Variants in UACA observed in about 807,000 individuals in gnomAD.
UACA encodes the protein nuclear membrane binding protein.
In UACA, 112 loss-of-function variants were observed where a neutral mutation model predicts 160.5. That is an observed-to-expected ratio of 0.70 (90% CI 0.60 to 0.82). The LOEUF (loss-of-function observed/expected upper bound fraction) is 0.82. UACA is among the 40% of genes least tolerant of loss of function. The pLI is 0.00. For missense variants in UACA, 1,574 were observed against 1,614.6 expected (o/e 0.97, Z 0.43); for synonymous variants, 557 against 568.4 (o/e 0.98, Z 0.29).
intron 18 of UACA, among the ~76,000 whole-genome samples, 193 bp downstream of exon 18, chr15:70,659,958 G>A (rs1896643692): frequency 1.3e-5 from 2 of 152,224 alleles, no homozygotes; most frequent in South Asian, 4.1e-4. Context: ...TTAAGATGTT[G>A]TGTTGCCATA....
chr15:70,707,231 C>T (rs1290379734), intron 1 of UACA, among the ~76,000 whole-genome samples: 1 of 152,092 alleles, frequency 6.6e-6, no homozygotes, highest in Non-Finnish European at 1.5e-5. Flanking sequence ...TAGCCACATG[C>T]AAAAGAACAA....
intron 13 of UACA, among the ~76,000 whole-genome samples, chr15:70,672,319 T>C (rs1176537864): frequency 2.0e-5 from 3 of 152,234 alleles, no homozygotes; most frequent in African/African-American, 7.2e-5. Flanking sequence ...TACTGTTTGC[T>C]ACTGCTTTAC....
At chr15:70,767,106 G>A (rs1000053508), upstream of UACA, among the ~76,000 whole-genome samples, 1 of 151,722 alleles carries the variant, frequency 6.6e-6, no homozygotes, top group East Asian at 1.9e-4. Flanking sequence ...CAGGCGTGGT[G>A]GCAGGCACCT....
chr15:70,751,487 T>A (rs1004532996), intron 1 of UACA, among the ~76,000 whole-genome samples: 2 of 152,238 alleles, frequency 1.3e-5, no homozygotes, highest in African/African-American at 4.8e-5. Context: ...GTTACCTATA[T>A]AAAGCACCGT....
intron 18 of UACA, among the ~76,000 whole-genome samples, chr15:70,658,484 C>T (rs1253271905): frequency 2.0e-5 from 3 of 152,120 alleles, no homozygotes; most frequent in Non-Finnish European, 4.4e-5. Flanking sequence ...CTGGCTAACA[C>T]GATAGACTAT....
At chr15:70,669,631 A>C (rs976172885) in intron 15 of UACA, among the ~76,000 whole-genome samples, 169 bp from the exon 16 acceptor site, 2 of 152,188 alleles carry the variant, frequency 1.3e-5, no homozygotes, top group Admixed American at 1.3e-4. Flanking sequence ...TGGTAAGGAA[A>C]CAGTTCTGGA....
Position 70,666,717 on chromosome 15 carries a change from T to G in UACA, c.3960+7A>C. Reference sequence around the variant, plus strand: ...ACACATAGCCGTGCAGACTACTTTGTACCTACCTTATTATCTTTTGCTTCT... The same window carrying G: ...ACACATAGCCGTGCAGACTACTTTGGACCTACCTTATTATCTTTTGCTTCT... On this transcript the variant is annotated splice_region_variant and intron_variant, in intron 16 of 18. Coordinates refer to ENST00000322954, the MANE Select transcript of UACA (RefSeq NM_018003.4). The G allele has an allele frequency of 6.3e-7, 1 of 1,594,658 alleles. No homozygotes were observed. The highest frequency in any genetic ancestry group is 1.3e-5 in the African/African-American group (1 of 74,216).
intron 3 of UACA, among the ~76,000 whole-genome samples, chr15:70,693,136 T>C (rs951638901): frequency 6.6e-6 from 1 of 152,154 alleles, no homozygotes; most frequent in Non-Finnish European, 1.5e-5. Flanking sequence ...AGAGATAGCA[T>C]GGAGTGGAGA....
chr15:70,686,855 T>C (rs962385680), intron 7 of UACA, among the ~76,000 whole-genome samples: 1 of 152,200 alleles, frequency 6.6e-6, no homozygotes, highest in Non-Finnish European at 1.5e-5. Context: ...GTGTTTCAGA[T>C]ACTTTGTGAC....
At chr15:70,762,815 G>T (rs1595931405) in intron 1 of UACA, among the ~76,000 whole-genome samples, 1 of 152,254 alleles carries the variant, frequency 6.6e-6, no homozygotes. Flanking sequence ...GCCCGGCAGG[G>T]CTTGACGCTG....
At chr15:70,760,307 A>G (rs1448103076) in intron 1 of UACA, among the ~76,000 whole-genome samples, 1 of 152,178 alleles carries the variant, frequency 6.6e-6, no homozygotes, top group East Asian at 1.9e-4. Flanking sequence ...AAAGGCCAAG[A>G]TATTACATAA....
chr15:70,763,797 C>G (rs1328096931), upstream of UACA, among the ~76,000 whole-genome samples: 1 of 152,258 alleles, frequency 6.6e-6, no homozygotes, highest in Non-Finnish European at 1.5e-5. Context: ...CCACCGGCGC[C>G]CGCCCACCCG....
intron 13 of UACA, among the ~76,000 whole-genome samples, chr15:70,672,787 C>T (rs535092670): frequency 6.6e-6 from 1 of 152,092 alleles, no homozygotes; most frequent in East Asian, 1.9e-4. Flanking sequence ...GGTGAGACCT[C>T]GTCCTTACAA....
chr15:70,747,973 C>A (rs1566998782), intron 1 of UACA, among the ~76,000 whole-genome samples: 1 of 152,008 alleles, frequency 6.6e-6, no homozygotes, highest in Admixed American at 6.6e-5. Context: ...AAAATGAATT[C>A]TCTAATTCAT....
At chr15:70,723,273 C>T (rs1294947542) in intron 1 of UACA, among the ~76,000 whole-genome samples, 3 of 152,196 alleles carry the variant, frequency 2.0e-5, no homozygotes, top group East Asian at 1.9e-4. Flanking sequence ...AATGGAGGGT[C>T]GCTGGAGCTC....
intron 1 of UACA, among the ~76,000 whole-genome samples, chr15:70,703,455 T>C (rs185755513): frequency 4.7e-4 from 72 of 152,312 alleles, no homozygotes; most frequent in South Asian, 3.7e-3. Flanking sequence ...ATATACCATA[T>C]CTCATTTTTG....
At chr15:70,759,520 T>C (rs1250861908) in intron 1 of UACA, among the ~76,000 whole-genome samples, 1 of 152,194 alleles carries the variant, frequency 6.6e-6, no homozygotes, top group African/African-American at 2.4e-5. Flanking sequence ...CCGGGCATGG[T>C]GGCAAATGCC....
At chr15:70,721,615 A>C (rs927989131) in intron 1 of UACA, among the ~76,000 whole-genome samples, 1 of 149,592 alleles carries the variant, frequency 6.7e-6, no homozygotes, top group African/African-American at 2.5e-5. Context: ...CAACAGAGCG[A>C]GACTCCATCT....
intron 1 of UACA, among the ~76,000 whole-genome samples, chr15:70,700,739 A>C (rs1045825244): frequency 3.3e-5 from 5 of 152,078 alleles, no homozygotes; most frequent in Non-Finnish European, 7.4e-5. Flanking sequence ...TTACTTAAAC[A>C]GGTGAGATTT....
Sources: allele counts gnomAD v4.1 joint callset (sites outside exome capture counted in the v4.1 genomes callset), GRCh38; gene constraint gnomAD v4.1.1; transcripts MANE v1.5; gene names NCBI Gene and HGNC (gene_info 2026-07-23, HGNC 2026-07-21).